ASIC2: variants seen among roughly 807,000 people sequenced by gnomAD.
The protein encoded by ASIC2 is acid sensing ion channel subunit 2.
A neutral mutation model predicts 57.3 loss-of-function variants in ASIC2; 25 were observed. That is an observed-to-expected ratio of 0.44 (90% CI 0.32 to 0.61). The LOEUF (loss-of-function observed/expected upper bound fraction) is 0.61, where lower values mean the gene tolerates loss of function less well. Ranked by LOEUF, ASIC2 falls within the 20% of genes least tolerant of loss-of-function variation. The pLI, the probability that ASIC2 is intolerant of heterozygous loss-of-function variation, is 0.06. For synonymous variants in ASIC2, 319 were observed against 307.5 expected (o/e 1.04, Z -0.39); for missense variants, 641 against 738.1 (o/e 0.87, Z 1.52).
At chr17:34,060,524 A>G (rs912832624) in intron 1 of ASIC2, among the ~76,000 whole-genome samples, 1 of 144,350 alleles carries the variant, frequency 6.9e-6, no homozygotes, top group African/African-American at 2.8e-5. Context: ...AAAAGAATTC[A>G]GGAGGTTAGT....
At chr17:33,140,426 C>A (rs2092382885) in intron 1 of ASIC2, among the ~76,000 whole-genome samples, 1 of 152,208 alleles carries the variant, frequency 6.6e-6, no homozygotes, top group South Asian at 2.1e-4. Context: ...TACTGATTAT[C>A]CATGTGACTT....
chr17:33,215,244 T>C (rs1257301979), intron 1 of ASIC2, among the ~76,000 whole-genome samples: 2 of 152,168 alleles, frequency 1.3e-5, no homozygotes, highest in Non-Finnish European at 2.9e-5. Flanking sequence ...GGGGAGAGGG[T>C]ACATTTGGGC....
At chr17:33,982,641 C>T (rs986562627) in intron 1 of ASIC2, among the ~76,000 whole-genome samples, 2 of 152,174 alleles carry the variant, frequency 1.3e-5, no homozygotes, top group African/African-American at 2.4e-5. Flanking sequence ...TTGCATAGGT[C>T]GTTTCCTATC....
chr17:34,096,677 A>G (rs2142093896), intron 1 of ASIC2, among the ~76,000 whole-genome samples: 1 of 151,622 alleles, frequency 6.6e-6, no homozygotes, highest in Admixed American at 6.6e-5. Flanking sequence ...ACACGGTGAA[A>G]CCCCGTCTCT....
rs576798485 is a variant in ASIC2 at position 33,626,689 on chromosome 17, C to G, written c.556-514622G>C. On this transcript the variant is annotated intron_variant, in intron 1 of 9. Coordinates refer to the ASIC2 transcript ENST00000359872. ...AGAGGCTCTCCTCTTCTTTAGCACT[C>G]CTGACATCCAATCAATTACCAAGTC... Among the ~76,000 whole-genome samples, 32 of 152,256 alleles carry G rather than the reference C, an allele frequency of 2.1e-4. 1 individual carries two copies. The highest frequency in any genetic ancestry group is 7.2e-4 in the African/African-American group (30 of 41,522).
intron 1 of ASIC2, chr17:33,534,264 G>C (rs1376909320): frequency 1.3e-5 from 2 of 152,104 alleles, no homozygotes; most frequent in South Asian, 2.1e-4. Flanking sequence ...CTTGTAATGC[G>C]CTCTTTGACA....
intron 1 of ASIC2, among the ~76,000 whole-genome samples, chr17:34,025,437 A>G (rs148446674): frequency 4.1e-4 from 62 of 152,294 alleles, no homozygotes; most frequent in African/African-American, 1.4e-3. Flanking sequence ...ACCCTGAGTG[A>G]AGCACTTACA....
chr17:33,797,730 T>C (rs1911961297), intron 1 of ASIC2, among the ~76,000 whole-genome samples: 1 of 152,248 alleles, frequency 6.6e-6, no homozygotes, highest in Non-Finnish European at 1.5e-5. Context: ...GTTCTATTTG[T>C]CTGCAGACAG....
intron 1 of ASIC2, among the ~76,000 whole-genome samples, chr17:33,113,625 T>C (rs1007729581): frequency 1.3e-5 from 2 of 152,216 alleles, no homozygotes; most frequent in African/African-American, 4.8e-5. Context: ...CAGGCTGCCT[T>C]TCTTATGTAA....
chr17:33,641,474 T>C (rs1326323502), intron 1 of ASIC2, among the ~76,000 whole-genome samples: 1 of 152,126 alleles, frequency 6.6e-6, no homozygotes, highest in African/African-American at 2.4e-5. Context: ...AATTTGACAG[T>C]TGAGGAAACT....
At chr17:33,348,991 A>C (rs1451819243) in intron 1 of ASIC2, among the ~76,000 whole-genome samples, 1 of 151,976 alleles carries the variant, frequency 6.6e-6, no homozygotes, top group Non-Finnish European at 1.5e-5. Context: ...TTGAATGCAG[A>C]CTCTTATTCA....
At chr17:33,324,908 A>G (rs976103697) in intron 1 of ASIC2, among the ~76,000 whole-genome samples, 3 of 152,146 alleles carry the variant, frequency 2.0e-5, no homozygotes, top group Admixed American at 1.3e-4. Flanking sequence ...CTGAAAAGAG[A>G]TGTGACATAA....
At chr17:33,843,414 AATGTGG>A (rs1468741820) in intron 1 of ASIC2, among the ~76,000 whole-genome samples, 2 of 152,230 alleles carry the variant, frequency 1.3e-5, no homozygotes, top group African/African-American at 2.4e-5. Flanking sequence ...AAAATCAATT[AATGTGG>A]CATTTTAATA....
intron 1 of ASIC2, among the ~76,000 whole-genome samples, chr17:33,175,675 A>G (rs952225094): frequency 6.6e-6 from 1 of 152,104 alleles, no homozygotes; most frequent in African/African-American, 2.4e-5. Flanking sequence ...TCATTCATTC[A>G]TCAAGTCCAG....
At chr17:33,947,320 C>T (rs1388285302) in intron 1 of ASIC2, among the ~76,000 whole-genome samples, 1 of 152,178 alleles carries the variant, frequency 6.6e-6, no homozygotes, top group African/African-American at 2.4e-5. Context: ...AAAAGGAGTA[C>T]AGCTCCATTG....
chr17:33,443,025 T>C (rs1911878975), intron 1 of ASIC2, among the ~76,000 whole-genome samples: 1 of 152,224 alleles, frequency 6.6e-6, no homozygotes, highest in South Asian at 2.1e-4. Flanking sequence ...TCTGCACTTA[T>C]TGTGATTGTA....
At chr17:33,372,837 C>T (rs1398657614) in intron 1 of ASIC2, among the ~76,000 whole-genome samples, 1 of 152,194 alleles carries the variant, frequency 6.6e-6, no homozygotes, top group African/African-American at 2.4e-5. Context: ...AGGGTAGATG[C>T]CCCTCATCGT....
chr17:34,139,752 G>C (rs79776416), intron 1 of ASIC2, among the ~76,000 whole-genome samples: 4 of 150,062 alleles, frequency 2.7e-5, no homozygotes, highest in African/African-American at 1.0e-4. Flanking sequence ...AGAACTGGAG[G>C]GGGGGGGATT....
chr17:34,034,758 C>T (rs1907791797), intron 1 of ASIC2, among the ~76,000 whole-genome samples: 1 of 152,116 alleles, frequency 6.6e-6, no homozygotes, highest in Non-Finnish European at 1.5e-5. Context: ...AACTCCCATT[C>T]ACAATTGCTT....
Sources: allele counts gnomAD v4.1 joint callset (sites outside exome capture counted in the v4.1 genomes callset), GRCh38; gene constraint gnomAD v4.1.1; transcripts MANE v1.5; gene names NCBI Gene and HGNC (gene_info 2026-07-23, HGNC 2026-07-21).